ZMYM2: variants seen among roughly 807,000 people sequenced by gnomAD.
The protein encoded by ZMYM2 is zinc finger MYM-type protein 2.
Under a neutral mutation model 162.8 loss-of-function variants are expected in ZMYM2, and 56 were observed. That is an observed-to-expected ratio of 0.34 (90% CI 0.28 to 0.43). The LOEUF (loss-of-function observed/expected upper bound fraction) is 0.43, where lower values mean the gene tolerates loss of function less well. Ranked by LOEUF, ZMYM2 falls within the 20% of genes least tolerant of loss-of-function variation. The pLI, the probability that ZMYM2 is intolerant of heterozygous loss-of-function variation, is 1.00. For missense variants in ZMYM2, 1,275 were observed against 1,621.8 expected (o/e 0.79, Z 3.67); for synonymous variants, 510 against 541.6 (o/e 0.94, Z 0.81).
intron 9 of ZMYM2, among the ~76,000 whole-genome samples, chr13:20,030,592 G>T (rs926630010): frequency 6.6e-6 from 1 of 152,088 alleles, no homozygotes; most frequent in Non-Finnish European, 1.5e-5. Context: ...TAGAGACGGG[G>T]TTTTACCGTG....
the ZMYM2 span, among the ~76,000 whole-genome samples, chr13:19,912,677 A>G: frequency 6.6e-6 from 1 of 152,192 alleles, no homozygotes; most frequent in African/African-American, 2.4e-5. Context: ...ACAGGATATT[A>G]CATTGGTCCA....
rs1430133999 is a variant in ZMYM2 at position 20,076,702 on chromosome 13, A to G, written c.3454-5314A>G. 2.0e-5 allele frequency among the ~76,000 whole-genome samples: 3 copies of G among 150,522 alleles called. 1 individual carries two copies. The highest frequency in any genetic ancestry group is 7.5e-5 in the African/African-American group (3 of 39,854). The stretch of plus-strand genomic sequence containing the variant: ...ATTTACTAAATTAAAAAATATAGTA[A>G]ACTCACAGTGTGGCTTGTTAATTTA... On this transcript the variant is annotated intron_variant, in intron 21 of 24. Transcript: ENST00000610343.
intron 2 of ZMYM2, among the ~76,000 whole-genome samples, chr13:19,970,600 CAAAA>C (rs11365281): frequency 3.4e-5 from 3 of 88,080 alleles, no homozygotes; most frequent in Non-Finnish European, 6.8e-5. Context: ...AACCCCAAAC[CAAAA>C]AAAAAAAAAA....
chr13:19,920,551 AG>A, the ZMYM2 span, among the ~76,000 whole-genome samples: 1 of 148,126 alleles, frequency 6.8e-6, no homozygotes, highest in East Asian at 2.1e-4. Flanking sequence ...GAGGATGGGG[AG>A]GGGAGACTGT....
At chr13:20,078,462 T>G (rs1025121446) in intron 21 of ZMYM2, among the ~76,000 whole-genome samples, 13 of 152,252 alleles carry the variant, frequency 8.5e-5, no homozygotes, top group African/African-American at 3.1e-4. Context: ...GACCATATGT[T>G]TGTCATATTA....
chr13:19,969,149 A>G (rs1415386268), intron 2 of ZMYM2, among the ~76,000 whole-genome samples: 3 of 152,234 alleles, frequency 2.0e-5, no homozygotes, highest in African/African-American at 7.2e-5. Flanking sequence ...CCACCTGGTC[A>G]TCACACTAAT....
chr13:19,955,632 T>A (rs1199552201), upstream of ZMYM2, among the ~76,000 whole-genome samples: 1 of 151,966 alleles, frequency 6.6e-6, no homozygotes, highest in Non-Finnish European at 1.5e-5. Context: ...TAACAACTCT[T>A]TTTTTTTGAG....
chr13:20,042,096 G>A (rs1392022144), intron 12 of ZMYM2, among the ~76,000 whole-genome samples: 2 of 152,152 alleles, frequency 1.3e-5, no homozygotes, highest in East Asian at 1.9e-4. Flanking sequence ...GAATTTGAAT[G>A]TTGGCCTCTC....
chr13:20,039,766 G>A (rs1400782602), intron 12 of ZMYM2, among the ~76,000 whole-genome samples: 2 of 152,142 alleles, frequency 1.3e-5, no homozygotes, highest in African/African-American at 2.4e-5. Context: ...GTGAGCCACC[G>A]TCCCCAGCCT....
chr13:19,898,446 G>C, the ZMYM2 span, among the ~76,000 whole-genome samples: 1 of 152,002 alleles, frequency 6.6e-6, no homozygotes, highest in South Asian at 2.1e-4. Flanking sequence ...TGTTAGCCAG[G>C]ATGGTCTCGA....
chr13:19,985,155 ACT>A (rs1339248495), intron 2 of ZMYM2, among the ~76,000 whole-genome samples: 2 of 152,054 alleles, frequency 1.3e-5, no homozygotes, highest in South Asian at 4.2e-4. Context: ...ACGGGGTTTC[ACT>A]CTGTTGCCCA....
At chr13:19,891,610 CAAAAAAA>C in the ZMYM2 span, among the ~76,000 whole-genome samples, 1 of 71,280 alleles carries the variant, frequency 1.4e-5, no homozygotes, top group African/African-American at 5.3e-5. Flanking sequence ...ATCACCTTTA[CAAAAAAA>C]AAAAAAAAAA....
chr13:19,959,023 C>CGCCGCT (rs1954827019), intron 1 of ZMYM2, among the ~76,000 whole-genome samples, 182 bp downstream of exon 1: 1 of 151,846 alleles, frequency 6.6e-6, no homozygotes, highest in South Asian at 2.1e-4. Flanking sequence ...CGGCCGCCGT[C>CGCCGCT]GCCGCTGCCG....
At chr13:19,904,201 T>G in the ZMYM2 span, among the ~76,000 whole-genome samples, 22,160 of 151,848 alleles carry the variant, frequency 0.15, 2,081 homozygotes, top group African/African-American at 0.27. Context: ...ATTTTTTTTT[T>G]AATCATCTTT....
chr13:20,029,807 T>C (rs1952917270), intron 9 of ZMYM2, among the ~76,000 whole-genome samples: 1 of 152,172 alleles, frequency 6.6e-6, no homozygotes, highest in Admixed American at 6.6e-5. Context: ...GTAAATTTTT[T>C]TTTTTTTGGA....
At chr13:19,885,902 T>TATATGTGTATATACACAC in the ZMYM2 span, among the ~76,000 whole-genome samples, 3 of 32,012 alleles carry the variant, frequency 9.4e-5, 1 homozygote, top group East Asian at 2.8e-3. Flanking sequence ...TGTATACACA[T>TATATGTGTATATACACAC]ATATATGTAT....
rs139926052 is a variant in ZMYM2, at chr13:20,051,394, A to G, written c.2293-39A>G. On this transcript the variant is annotated intron_variant, in intron 12 of 24. Transcript: ENST00000610343. ...GATAAACTTCTGGAAATCTTCAAAAATAATTTGCAATATCTGAAACCTTCC... is the reference window on the plus strand; with the variant it reads ...GATAAACTTCTGGAAATCTTCAAAAGTAATTTGCAATATCTGAAACCTTCC... 72 of 1,592,792 alleles carry G rather than the reference A, an allele frequency of 4.5e-5. 1 individual carries two copies. The East Asian group carries it at 8.5e-4, about 19-fold the overall frequency.
the ZMYM2 span, among the ~76,000 whole-genome samples, chr13:19,892,056 T>G: frequency 2.6e-5 from 4 of 151,240 alleles, no homozygotes; most frequent in Non-Finnish European, 1.5e-5. Context: ...TCCTCCCACC[T>G]TAGCCTCCTG....
chr13:19,906,073 G>T, the ZMYM2 span, among the ~76,000 whole-genome samples: 2 of 151,528 alleles, frequency 1.3e-5, no homozygotes, highest in Non-Finnish European at 2.9e-5. Context: ...GTCAGGAGTT[G>T]GAGACCAGCC....
Sources: allele counts gnomAD v4.1 joint callset (sites outside exome capture counted in the v4.1 genomes callset), GRCh38; gene constraint gnomAD v4.1.1; transcripts MANE v1.5; gene names NCBI Gene and HGNC (gene_info 2026-07-23, HGNC 2026-07-21).